WDR41: variants seen among roughly 807,000 people sequenced by gnomAD.
The protein encoded by WDR41 is WD repeat domain 41.
WDR41 carries 63 observed loss-of-function variants against 69.3 expected under a neutral mutation model. That is an observed-to-expected ratio of 0.91 (90% CI 0.74 to 1.12). WDR41 has a LOEUF of 1.12. Among genes scored for constraint, WDR41 ranks in the 50% most tolerant of loss-of-function variants. WDR41 has a pLI of 0.00. For missense variants in WDR41, 543 were observed against 534.5 expected (o/e 1.02, Z -0.16); for synonymous variants, 185 against 192.1 (o/e 0.96, Z 0.31).
At chr5:77,528,320 C>T (rs1383588422) in intron 1 of WDR41, among the ~76,000 whole-genome samples, 1 of 151,644 alleles carries the variant, frequency 6.6e-6, no homozygotes, top group Non-Finnish European at 1.5e-5. Context: ...AAACAAACTT[C>T]TTAGAAAATA....
rs1417355889 is a variant in WDR41 at position 77,443,897 on chromosome 5, TTTTG to T, written c.698-2904_698-2901del. Among the ~76,000 whole-genome samples, 190 of 97,464 alleles carry T rather than the reference TTTTG, an allele frequency of 1.9e-3. 2 individuals carry two copies. The highest frequency in any genetic ancestry group is 4.7e-3 in the African/African-American group (113 of 24,202). 63.9% of individuals were successfully genotyped at this position (97,464 alleles called of 152,430 possible). On this transcript the variant is annotated intron_variant, in intron 8 of 12. Coordinates refer to ENST00000296679, the MANE Select transcript of WDR41 (RefSeq NM_018268.4). Reference sequence around the variant, plus strand: ...AGCACTTTTTTTTTTTTTTTTTTTTTTTTGAAATGAAGTCTCACTCTGTCACCCA... The same window carrying T: ...AGCACTTTTTTTTTTTTTTTTTTTTTAAATGAAGTCTCACTCTGTCACCCA...
intron 11 of WDR41, 55 bp from the exon 12 acceptor site, chr5:77,436,449 G>C: frequency 6.3e-7 from 1 of 1,585,410 alleles, no homozygotes; most frequent in South Asian, 1.1e-5. Context: ...AATAACATGA[G>C]ATCAGAAAAA....
rs139891413 is a variant in WDR41, at chr5:77,537,224, G to A, written c.43-47652C>T. Among the ~76,000 whole-genome samples the A allele has an allele frequency of 1.8e-4, 27 of 152,218 alleles. No homozygotes were observed. In the East Asian group the frequency reaches 4.2e-3, roughly 24 times the overall value. ...GAGAGCAACCACTGTTAACCATTGC[G>A]TTCGGAAAATGTGACTGGGATTTAT... On this transcript the variant is annotated intron_variant, in intron 1 of 5. Transcript: ENST00000509971.
intron 1 of WDR41, chr5:77,491,404 G>A (rs569278075): frequency 1.3e-5 from 2 of 155,766 alleles, no homozygotes; most frequent in Non-Finnish European, 2.9e-5. Flanking sequence ...AGCTTTTATT[G>A]CTCACACAAA....
At chr5:77,571,258 A>G (rs932589650) in intron 1 of WDR41, among the ~76,000 whole-genome samples, 4 of 152,148 alleles carry the variant, frequency 2.6e-5, no homozygotes, top group Admixed American at 2.6e-4. Flanking sequence ...TTGTTTGGAA[A>G]ATATTGGGTC....
chr5:77,438,932 TC>T (rs1478622522), intron 9 of WDR41, among the ~76,000 whole-genome samples: 3 of 152,364 alleles, frequency 2.0e-5, no homozygotes, highest in African/African-American at 7.2e-5. Context: ...ACAACTTTAA[TC>T]TTTTGAAAGC....
intron 1 of WDR41, among the ~76,000 whole-genome samples, chr5:77,518,457 G>A (rs187427621): frequency 9.2e-5 from 14 of 152,142 alleles, no homozygotes; most frequent in African/African-American, 3.4e-4. Context: ...AGGGCAAATG[G>A]AGTTAACTGG....
chr5:77,516,852 A>G (rs1802297830), intron 1 of WDR41, among the ~76,000 whole-genome samples: 1 of 152,050 alleles, frequency 6.6e-6, no homozygotes. Context: ...CCCTGTCTCT[A>G]CTAAAAATAC....
chr5:77,476,447 G>A lies in WDR41; in HGVS notation c.168-11638C>T, dbSNP rs1209388397. Among the ~76,000 whole-genome samples the A allele has an allele frequency of 1.0e-3, 152 of 152,216 alleles. 1 individual carries two copies. Among genetic ancestry groups the A allele is most frequent in the East Asian group, 1.4e-3 (7 of 5,174 alleles). On this transcript the variant is annotated intron_variant, in intron 2 of 12. Transcript: ENST00000296679. ...AGAAAGGTCGGGTTACCCTCAAAGG[G>A]AAGCCCATCAGACTCACAGCGGATC...
chr5:77,583,389 C>G (rs1050664217), intron 1 of WDR41, among the ~76,000 whole-genome samples: 4 of 151,564 alleles, frequency 2.6e-5, no homozygotes, highest in Admixed American at 6.6e-5. Context: ...TGGCCCATGT[C>G]TGTAGTCTCA....
At chr5:77,572,869 T>C (rs142827209) in intron 1 of WDR41, among the ~76,000 whole-genome samples, 151 of 152,298 alleles carry the variant, frequency 9.9e-4, no homozygotes, top group Non-Finnish European at 2.0e-3. Context: ...ATTAGATCAG[T>C]CTATCTTTCA....
intron 1 of WDR41, among the ~76,000 whole-genome samples, chr5:77,615,828 A>G (rs1475745192): frequency 6.6e-6 from 1 of 151,930 alleles, no homozygotes; most frequent in Non-Finnish European, 1.5e-5. Context: ...CCCTGGCTCT[A>G]TTAAAATTCC....
At chr5:77,560,911 G>A (rs1319727342) in intron 1 of WDR41, among the ~76,000 whole-genome samples, 1 of 152,226 alleles carries the variant, frequency 6.6e-6, no homozygotes, top group East Asian at 1.9e-4. Context: ...TGCATTTACA[G>A]TTTCATGAAA....
intron 1 of WDR41, among the ~76,000 whole-genome samples, chr5:77,609,050 T>A (rs1744486984): frequency 6.6e-6 from 1 of 152,156 alleles, no homozygotes; most frequent in South Asian, 2.1e-4. Flanking sequence ...TCTCGCTGAT[T>A]GCTAGCACAG....
At chr5:77,619,263 T>C (rs1368458774) in intron 1 of WDR41, among the ~76,000 whole-genome samples, 1 of 152,184 alleles carries the variant, frequency 6.6e-6, no homozygotes, top group African/African-American at 2.4e-5. Context: ...CATTCCAGGA[T>C]CATTTATTCA....
At chr5:77,607,963 C>T (rs1052574731) in intron 1 of WDR41, among the ~76,000 whole-genome samples, 4 of 152,126 alleles carry the variant, frequency 2.6e-5, no homozygotes, top group African/African-American at 9.7e-5. Context: ...GTAAAATATG[C>T]ATAAAATAAA....
intron 1 of WDR41, among the ~76,000 whole-genome samples, chr5:77,507,516 C>A (rs908614682): frequency 6.6e-6 from 1 of 152,214 alleles, no homozygotes; most frequent in Non-Finnish European, 1.5e-5. Flanking sequence ...GCCTTCCCCA[C>A]CAAGCCTTCA....
upstream of WDR41, among the ~76,000 whole-genome samples, chr5:77,495,173 A>T (rs944452285): frequency 2.0e-5 from 3 of 152,102 alleles, no homozygotes; most frequent in Non-Finnish European, 4.4e-5. Flanking sequence ...TGTCTACATT[A>T]AAAAAGAAGA....
At chr5:77,458,389 T>C (rs996494403) in intron 5 of WDR41, among the ~76,000 whole-genome samples, 2 of 152,094 alleles carry the variant, frequency 1.3e-5, no homozygotes, top group Non-Finnish European at 2.9e-5. Context: ...TGGAGATCAG[T>C]TATCCTTAAA....
Sources: allele counts gnomAD v4.1 joint callset (sites outside exome capture counted in the v4.1 genomes callset), GRCh38; gene constraint gnomAD v4.1.1; transcripts MANE v1.5; gene names NCBI Gene and HGNC (gene_info 2026-07-23, HGNC 2026-07-21).